The following AP2A1 variants were observed in gnomAD, a reference collection of about 807,000 sequenced individuals.
The protein encoded by AP2A1 is AP-2 complex subunit alpha-1.
In AP2A1, 21 loss-of-function variants were observed where a neutral mutation model predicts 107.3. The ratio of observed to expected loss-of-function variants is 0.20; its 90% CI spans 0.14 to 0.28. The LOEUF is 0.28. Ranked by LOEUF, AP2A1 falls within the 10% of genes least tolerant of loss-of-function variation. AP2A1 has a pLI of 1.00. For synonymous variants in AP2A1, 602 were observed against 564.8 expected (o/e 1.07, Z -0.93); for missense variants, 873 against 1,307.7 (o/e 0.67, Z 5.13).
In AP2A1 at chr19:49,788,647, C is replaced by T. The variant is rs957086200; in HGVS notation, c.474-3288C>T. ...AGGGCTCGGGAGATGCACTGTGGCTCGGGAGATGAGCGCCATGACAGAGAT... is the reference window on the plus strand; with the variant it reads ...AGGGCTCGGGAGATGCACTGTGGCTTGGGAGATGAGCGCCATGACAGAGAT... On this transcript the variant is annotated intron_variant, in intron 4 of 22. Coordinates refer to ENST00000354293, the MANE Select transcript of AP2A1 (RefSeq NM_130787.3). This position sits in a 1 kb window ranked among gnomAD's most constrained non-coding sequence, Gnocchi z 4.5. Among the ~76,000 whole-genome samples the T allele has an allele frequency of 4.0e-5, 6 of 151,256 alleles. No individual in the cohort carries two copies. The highest frequency in any genetic ancestry group is 8.8e-5 in the Non-Finnish European group (6 of 67,828).
chr19:49,802,561 C>T lies in AP2A1; in HGVS notation c.2115-388C>T, dbSNP rs200480269. 1.1e-3 allele frequency: 1,804 copies of T among 1,606,298 alleles called. 16 individuals carry two copies. The highest frequency in any genetic ancestry group is 4.0e-3 in the Middle Eastern group (24 of 6,044). On this transcript the variant is annotated intron_variant, in intron 15 of 22. Coordinates refer to ENST00000354293, the MANE Select transcript of AP2A1 (RefSeq NM_130787.3). ...AGCTGGAGCCGCCTGCCCCCGAGAG[C>T]CCCATGGCTTTGCTGGCTGACCCAG... is the stretch of plus-strand genomic sequence containing the variant.
chr19:49,804,040 G>A (rs899899218), intron 18 of AP2A1: 2 of 152,804 alleles, frequency 1.3e-5, no homozygotes, highest in African/African-American at 2.4e-5. Flanking sequence ...TTCAAGACCA[G>A]CCTGGCCAAC....
intron 1 of AP2A1, among the ~76,000 whole-genome samples, chr19:49,779,634 C>T (rs2123683404): frequency 1.3e-5 from 2 of 152,182 alleles, no homozygotes; most frequent in Middle Eastern, 3.4e-3. Context: ...CACACAAGTT[C>T]TCACTGTGTT....
intron 1 of AP2A1, among the ~76,000 whole-genome samples, chr19:49,781,140 G>T (rs2084670118): frequency 6.6e-6 from 1 of 152,172 alleles, no homozygotes; most frequent in Non-Finnish European, 1.5e-5. Flanking sequence ...TATTCCACAA[G>T]CAGGTCCTGT....
chr19:49,806,824 G>A lies in AP2A1; in HGVS notation c.*66G>A. On this transcript the variant is annotated 3_prime_UTR_variant, in exon 23 of 23. Transcript: ENST00000354293. ...AGCCCCTTGGACTGAGGCAGTTTTGGTGGATGGGGGACCTCCACTGGTGAC... is the reference window on the plus strand; with the variant it reads ...AGCCCCTTGGACTGAGGCAGTTTTGATGGATGGGGGACCTCCACTGGTGAC... The A allele has an allele frequency of 6.2e-7, 1 of 1,606,484 alleles. No individual in the cohort carries two copies. The highest frequency in any genetic ancestry group is 8.5e-7 in the Non-Finnish European group (1 of 1,177,346).
At chr19:49,767,443 G>A (rs975933647) in intron 1 of AP2A1, among the ~76,000 whole-genome samples, 1 of 151,422 alleles carries the variant, frequency 6.6e-6, no homozygotes, top group African/African-American at 2.4e-5. Flanking sequence ...TGAAAGGGGA[G>A]GAAGCCAGTG....
chr19:49,786,418 TCA>T (rs1423734262), intron 4 of AP2A1, among the ~76,000 whole-genome samples: 1 of 152,264 alleles, frequency 6.6e-6, no homozygotes, highest in African/African-American at 2.4e-5. Context: ...CGGGTGTCTC[TCA>T]GTTTGGACTC....
rs1469168524 is a variant in AP2A1, at chr19:49,805,476, G to A, written c.2368G>A (p.Val790Met). 1.9e-6 allele frequency: 3 copies of A among 1,550,854 alleles called. No individual in the cohort carries two copies. The highest frequency in any genetic ancestry group is 3.9e-5 in the Admixed American group (2 of 51,132). The stretch of plus-strand genomic sequence containing the variant: ...ACAGCTGGCTGTGCAGACCAAGCGC[G>A]TGGCGGCGCAGGTGGACGGCGGCGC... ...QTQLAVQTKR[V>M]AAQVDGGAQV... The change falls in exon 19 of 23, where the codon GTG becomes ATG. Residue 790 changes from valine (V) to methionine (M), a missense_variant. By Grantham distance (21) the Val-to-Met change is conservative (BLOSUM62 1). Transcript: ENST00000354293.
At chr19:49,769,789 C>A (rs1437739530) in intron 1 of AP2A1, among the ~76,000 whole-genome samples, 1 of 152,104 alleles carries the variant, frequency 6.6e-6, no homozygotes, top group Non-Finnish European at 1.5e-5. Flanking sequence ...AAGCAGGGAA[C>A]CAAATTAGGA....
chr19:49,777,362 G>A (rs2084627029), intron 1 of AP2A1, among the ~76,000 whole-genome samples: 1 of 151,964 alleles, frequency 6.6e-6, no homozygotes, highest in African/African-American at 2.4e-5. Context: ...CCAGCCGGGC[G>A]CGGTGGCTCA....
At chr19:49,805,363 G>A (rs2073352159) in intron 18 of AP2A1, 90 bp from the exon 19 acceptor site, 1 of 1,397,198 alleles carries the variant, frequency 7.2e-7, no homozygotes, top group Non-Finnish European at 9.5e-7. Context: ...AGACCTGCAG[G>A]CGGGAGCTGC....
In AP2A1 at chr19:49,788,629, G is replaced by A. The variant is rs748435905; in HGVS notation, c.474-3306G>A. ...GGAAAGTGGCCCAGAGTCAGGGCTC[G>A]GGAGATGCACTGTGGCTCGGGAGAT... On this transcript the variant is annotated intron_variant, in intron 4 of 22. Coordinates refer to ENST00000354293, the MANE Select transcript of AP2A1 (RefSeq NM_130787.3). This position sits in a 1 kb window ranked among gnomAD's most constrained non-coding sequence, Gnocchi z 4.5. Among the ~76,000 whole-genome samples the A allele has an allele frequency of 6.6e-6, 1 of 151,966 alleles. No individual in the cohort carries two copies. Among genetic ancestry groups the A allele is most frequent in the Non-Finnish European group, 1.5e-5 (1 of 67,990 alleles).
chr19:49,802,009 T>A lies in AP2A1; in HGVS notation c.1982T>A (p.Leu661Gln). Residue 661 changes from leucine to glutamine, a missense_variant, in exon 15 of 23, where the codon CTG (leucine) becomes CAG (glutamine). By Grantham distance (113) the Leu-to-Gln change is moderately radical. Transcript: ENST00000354293. ...ACGCCCTCGCCCTCCGCCGACCTCC[T>A]GGGGCTGCGGGCAGCCCCTCCCCCG... The part of the protein sequence containing the change: ...VSTPSPSADL[L>Q]GLRAAPPPAA... 1 of 1,550,412 alleles carries A rather than the reference T, an allele frequency of 6.4e-7. No homozygotes were observed. The highest frequency in any genetic ancestry group is 8.7e-7 in the Non-Finnish European group (1 of 1,153,430).
intron 5 of AP2A1, 126 bp downstream of exon 5, chr19:49,792,190 C>A: frequency 9.5e-7 from 1 of 1,057,624 alleles, no homozygotes; most frequent in Non-Finnish European, 1.4e-6. Context: ...CACCTCAGCC[C>A]ACGCACCCCC....
At chr19:49,790,466 C>T (rs1422256788) in intron 4 of AP2A1, among the ~76,000 whole-genome samples, 1 of 152,166 alleles carries the variant, frequency 6.6e-6, no homozygotes, top group African/African-American at 2.4e-5. Context: ...CTTGCTCTGC[C>T]ACCCAGGCTG....
chr19:49,801,245 CCT>C (rs1427858491), intron 12 of AP2A1, 143 bp from the exon 13 acceptor site: 2 of 987,516 alleles, frequency 2.0e-6, no homozygotes, highest in Admixed American at 2.3e-5. Flanking sequence ...GACTGCGGCC[CCT>C]GTCTGGTGCC....
chr19:49,793,149 T>G, intron 6 of AP2A1, 57 bp downstream of exon 6: 1 of 1,457,572 alleles, frequency 6.9e-7, no homozygotes, highest in Non-Finnish European at 9.4e-7. Context: ...CTATGCCCTC[T>G]GACACCCCTC....
chr19:49,799,065 G>A (rs998584565), intron 8 of AP2A1, 113 bp downstream of exon 8: 1 of 1,408,228 alleles, frequency 7.1e-7, no homozygotes, highest in African/African-American at 1.4e-5. Flanking sequence ...TTTAGGTAGG[G>A]TAGGAGGAGG....
At chr19:49,794,269 G>A (rs1436135481) in intron 6 of AP2A1, among the ~76,000 whole-genome samples, 1 of 149,790 alleles carries the variant, frequency 6.7e-6, no homozygotes, top group Non-Finnish European at 1.5e-5. Context: ...AGGCTGGAGT[G>A]CAGTAGTGCA....
Sources: allele counts gnomAD v4.1 joint callset (sites outside exome capture counted in the v4.1 genomes callset), GRCh38; gene constraint gnomAD v4.1.1; non-coding constraint Gnocchi (gnomAD v3.1); transcripts MANE v1.5; gene names NCBI Gene and HGNC (gene_info 2026-07-23, HGNC 2026-07-21).